The following NFAT5 variants were observed in gnomAD, a reference collection of about 807,000 sequenced individuals.
The protein encoded by NFAT5 is nuclear factor of activated T cells 5.
NFAT5 carries 31 observed loss-of-function variants against 166.5 expected under a neutral mutation model. That is an observed-to-expected ratio of 0.19 (90% confidence interval 0.14 to 0.25). The LOEUF is 0.25. Ranked by LOEUF, NFAT5 falls within the 10% of genes least tolerant of loss-of-function variation. The pLI is 1.00. For missense variants in NFAT5, 1,449 were observed against 1,821.8 expected, an observed-to-expected ratio of 0.80 and a Z score of 3.72; for synonymous variants, 612 against 639.7, an observed-to-expected ratio of 0.96 and a Z score of 0.65.
chr16:69,606,413 C>A (rs969467484), intron 2 of NFAT5, among the ~76,000 whole-genome samples: 2 of 152,132 alleles, frequency 1.3e-5, no homozygotes. Context: ...TCCTGTGATT[C>A]AAGAGAAGCC....
intron 2 of NFAT5, among the ~76,000 whole-genome samples, chr16:69,576,813 C>T (rs1157894667): frequency 4.6e-5 from 7 of 152,128 alleles, no homozygotes; most frequent in African/African-American, 1.7e-4. Flanking sequence ...ATACCTCTCT[C>T]CTGGCTGATG....
intron 11 of NFAT5, among the ~76,000 whole-genome samples, chr16:69,689,568 C>T (rs1265388167): frequency 6.6e-6 from 1 of 152,126 alleles, no homozygotes; most frequent in Non-Finnish European, 1.5e-5. Flanking sequence ...GATTTTGAGA[C>T]AGTCTTGCTC....
chr16:69,663,604 A>G (rs1311731320), intron 7 of NFAT5, among the ~76,000 whole-genome samples: 1 of 149,374 alleles, frequency 6.7e-6, no homozygotes, highest in African/African-American at 2.5e-5. Context: ...GTGCAGTTGT[A>G]CACGCCTGTA....
chr16:69,655,438 A>G (rs2035837965), intron 5 of NFAT5, among the ~76,000 whole-genome samples, 171 bp from the exon 6 acceptor site: 1 of 152,190 alleles, frequency 6.6e-6, no homozygotes, highest in Non-Finnish European at 1.5e-5. Flanking sequence ...TACTTCAGGA[A>G]TTTAGCCAAC....
chr16:69,644,817 C>T, intron 3 of NFAT5: 1 of 455,132 alleles, frequency 2.2e-6, no homozygotes, highest in Non-Finnish European at 4.4e-6. Context: ...GATGTTCATA[C>T]TCTGCATTCT....
chr16:69,617,577 A>T (rs1226115021), intron 2 of NFAT5, among the ~76,000 whole-genome samples: 1 of 149,888 alleles, frequency 6.7e-6, no homozygotes, highest in Non-Finnish European at 1.5e-5. Flanking sequence ...TGCAGCCTTG[A>T]CCTCCTGGGC....
At chr16:69,636,483 C>T (rs565630978) in intron 3 of NFAT5, among the ~76,000 whole-genome samples, 3 of 152,188 alleles carry the variant, frequency 2.0e-5, no homozygotes, top group Non-Finnish European at 4.4e-5. Flanking sequence ...AGAGGTTCTC[C>T]GTGAGGGCCC....
In NFAT5 at chr16:69,566,027, G is replaced by A; in HGVS notation, c.-275G>A. ...GTCAGTTTTCGCTGAGGAGAAACAC[G>A]AAACGGACCCTTTGGCTCTCCCCCT... On this transcript the variant is annotated 5_prime_UTR_variant, in exon 1 of 15. Transcript: ENST00000349945. This position sits in a 1 kb window ranked among gnomAD's most constrained non-coding sequence, Gnocchi z 5.7. 1 of 315,640 alleles carries A rather than the reference G, an allele frequency of 3.2e-6. No individual in the cohort carries two copies. Among genetic ancestry groups the A allele is most frequent in the Non-Finnish European group, 5.9e-6 (1 of 169,152 alleles). The allele number at this position is 315,640 out of a possible 1,614,324, so 19.6% of individuals were successfully genotyped here.
chr16:69,576,201 A>G (rs1161840193), intron 2 of NFAT5, among the ~76,000 whole-genome samples: 1 of 150,252 alleles, frequency 6.7e-6, no homozygotes, highest in African/African-American at 2.4e-5. Context: ...CTGAGGCAGG[A>G]GAATGGCTTG....
In NFAT5 at chr16:69,566,395, T is replaced by TGGGGCGTG; in HGVS notation, c.73+28_73+35dup. 5.6e-6 allele frequency: 3 copies of TGGGGCGTG among 539,798 alleles called. No homozygotes were observed. Among genetic ancestry groups the TGGGGCGTG allele is most frequent in the Non-Finnish European group, 9.9e-6 (3 of 303,318 alleles). 33.4% of individuals were successfully genotyped at this position (539,798 alleles called of 1,614,324 possible). A position where few individuals can be genotyped will look rare whatever the true frequency, so the allele number is the denominator to read the frequency against. On this transcript the variant is annotated intron_variant, in intron 1 of 14. Coordinates refer to ENST00000349945, the MANE Select transcript of NFAT5 (RefSeq NM_138713.4). This position sits in a 1 kb window ranked among gnomAD's most constrained non-coding sequence, Gnocchi z 5.7. ...GCGAGGTGAGTCAGGCTGTGGGGGG[T>TGGGGCGTG]GGGGCGTGGGGGCGGGGAGACAGGG...
Position 69,659,982 on chromosome 16 carries a change from A to G in NFAT5, c.1369+83A>G, listed in dbSNP as rs2036052751. On this transcript the variant is annotated intron_variant, in intron 7 of 14. Coordinates refer to ENST00000349945, the MANE Select transcript of NFAT5 (RefSeq NM_138713.4). ...TCTTTTAGACATCTCTAAATTTTAGATATTTCATATGCTCCGGCTTGTGAT... is the reference window on the plus strand; with the variant it reads ...TCTTTTAGACATCTCTAAATTTTAGGTATTTCATATGCTCCGGCTTGTGAT... 9.3e-6 allele frequency: 11 copies of G among 1,184,192 alleles called. No homozygotes were observed. In the South Asian group the frequency reaches 1.4e-4, roughly 15 times the overall value. The allele number at this position is 1,184,192 out of a possible 1,614,324, so 73.4% of individuals were successfully genotyped here. A position where few individuals can be genotyped will look rare whatever the true frequency, so the allele number is the denominator to read the frequency against.
In NFAT5 at chr16:69,691,781, A is replaced by G. The variant is rs1293289040; in HGVS notation, c.1956A>G (p.Thr652=). ...AGTCTGTTGGATCAACTCAGCAAAC[A>G]TTAGAAAACATCTCAAACATAGCAG... is the stretch of plus-strand genomic sequence containing the variant. ...TTKSVGSTQQ[T]LENISNIAGN... Residue 652 remains threonine, a synonymous_variant, in exon 13 of 15, where the codon ACA becomes ACG. Coordinates refer to ENST00000349945, the MANE Select transcript of NFAT5 (RefSeq NM_138713.4). The G allele has an allele frequency of 2.5e-6, 4 of 1,614,088 alleles. No individual in the cohort carries two copies. The highest frequency in any genetic ancestry group is 4.5e-5 in the East Asian group (2 of 44,888).
Position 69,700,894 on chromosome 16 carries a change from A to G in NFAT5, c.*4543A>G, listed in dbSNP as rs756930918. On this transcript the variant is annotated 3_prime_UTR_variant, in exon 15 of 15. Coordinates refer to ENST00000349945, the MANE Select transcript of NFAT5 (RefSeq NM_138713.4). ...TCATAATGCAGTAAATATCAGAATA[A>G]TATCTACAATATCATTTGTGGATGG... The G allele has an allele frequency of 2.0e-5, 3 of 151,910 alleles. No homozygotes were observed. The highest frequency in any genetic ancestry group is 2.9e-5 in the Non-Finnish European group (2 of 67,988). The allele number at this position is 151,910 out of a possible 1,614,324, so 9.4% of individuals were successfully genotyped here. A position where few individuals can be genotyped will look rare whatever the true frequency, so the allele number is the denominator to read the frequency against.
intron 2 of NFAT5, among the ~76,000 whole-genome samples, chr16:69,600,099 A>C (rs1452572973): frequency 2.6e-5 from 4 of 151,978 alleles, no homozygotes; most frequent in Non-Finnish European, 4.4e-5. Context: ...GAAGTGGTGG[A>C]ATTCTCGATT....
intron 2 of NFAT5, among the ~76,000 whole-genome samples, chr16:69,618,964 A>G (rs1356475649): frequency 6.6e-6 from 1 of 152,188 alleles, no homozygotes; most frequent in Non-Finnish European, 1.5e-5. Flanking sequence ...TTAGCTGCTT[A>G]CTTGACAACG....
intron 2 of NFAT5, among the ~76,000 whole-genome samples, chr16:69,587,362 C>CTGTAAAAAA (rs148437125): frequency 0.082 from 12,361 of 150,892 alleles, 642 homozygotes; most frequent in South Asian, 0.21. Flanking sequence ...AGGTGTGAGC[C>CTGTAAAAAA]ACCATGCCCG....
chr16:69,680,984 T>A (rs2037036765), intron 10 of NFAT5, among the ~76,000 whole-genome samples: 1 of 152,186 alleles, frequency 6.6e-6, no homozygotes. Flanking sequence ...GGTCTCTAAC[T>A]CCTGACCTCA....
intron 9 of NFAT5, among the ~76,000 whole-genome samples, chr16:69,672,687 A>C (rs982622142): frequency 1.3e-5 from 2 of 152,230 alleles, no homozygotes; most frequent in African/African-American, 4.8e-5. Flanking sequence ...TTCAAACCCT[A>C]ATTTCAGCCA....
At chr16:69,662,679 C>T (rs2036204148) in intron 7 of NFAT5, among the ~76,000 whole-genome samples, 1 of 151,992 alleles carries the variant, frequency 6.6e-6, no homozygotes, top group African/African-American at 2.4e-5. Context: ...CCAGGATGGT[C>T]TCGATCTCCT....
Sources: gnomAD v4.1 joint callset for allele counts (sites outside exome capture counted in the v4.1 genomes callset) on GRCh38, gnomAD v4.1.1 for gene constraint, Gnocchi (gnomAD v3.1) non-coding constraint, MANE v1.5 for transcripts, NCBI Gene and HGNC (gene_info 2026-07-23, HGNC 2026-07-21) for gene names.